Variants in FAM20C observed in about 807,000 individuals in gnomAD.
FAM20C encodes the protein extracellular serine/threonine protein kinase FAM20C.
FAM20C carries 40 observed loss-of-function variants against 51.5 expected under a neutral mutation model. That is an observed-to-expected ratio of 0.78 (90% confidence interval 0.60 to 1.01). The LOEUF is 1.01. FAM20C is among the 50% of genes least tolerant of loss of function. The probability of loss-of-function intolerance (pLI) is 0.00; values close to 1 mark genes in which losing one functional copy is unlikely to be tolerated. For missense variants in FAM20C, 861 were observed against 844.7 expected, an observed-to-expected ratio of 1.02 and a Z score of -0.24; for synonymous variants, 406 against 380.6, an observed-to-expected ratio of 1.07 and a Z score of -0.78.
rs1232400875 is a variant in FAM20C, at chr7:257,016, C to G, written c.1375C>G (p.Arg459Gly). The G allele has an allele frequency of 6.5e-7, 1 of 1,537,136 alleles. No homozygotes were observed. The highest frequency in any genetic ancestry group is 8.7e-7 in the Non-Finnish European group (1 of 1,146,894). ...GCCTCTCTCCGCAGGAAACATGGACCGTCACCACTACGAGACTTTTGAGAA... is the reference window on the plus strand; with the variant it reads ...GCCTCTCTCCGCAGGAAACATGGACGGTCACCACTACGAGACTTTTGAGAA... ...IFDFLMGNMDRHHYETFEKFG... is the reference protein window; with the variant it reads ...IFDFLMGNMDGHHYETFEKFG... The change falls in exon 8 of 10, where the codon CGT becomes GGT. Residue 459 changes from arginine to glycine, a missense_variant. Arg to Gly is a moderately radical substitution (Grantham distance 125). This residue lies in a region of FAM20C where 269 missense variants were observed against 283.8 expected (regional missense o/e 0.95). Coordinates refer to ENST00000313766, the MANE Select transcript of FAM20C (RefSeq NM_020223.4).
chr7:249,727 G>A (rs1426253629), intron 5 of FAM20C, among the ~76,000 whole-genome samples: 1 of 152,136 alleles, frequency 6.6e-6, no homozygotes, highest in Non-Finnish European at 1.5e-5. Context: ...GCAACAGAGT[G>A]AGACCCTGTC....
chr7:250,419 C>T (rs1406399454), intron 5 of FAM20C, among the ~76,000 whole-genome samples: 2 of 152,150 alleles, frequency 1.3e-5, no homozygotes, highest in African/African-American at 4.8e-5. Flanking sequence ...TGGCCCTACA[C>T]ACCAGGAATC....
rs865798747 is a variant in FAM20C at position 256,743 on chromosome 7, C to T, written c.1343C>T (p.Thr448Met). 33 of 1,536,026 alleles carry T rather than the reference C, an allele frequency of 2.1e-5. No homozygotes were observed. The highest frequency in any genetic ancestry group is 1.2e-4 in the South Asian group (10 of 84,066). The change falls in exon 7 of 10, where the codon ACG (threonine) becomes ATG (methionine). Residue 448 changes from threonine to methionine, a missense_variant. Thr to Met is a moderately conservative substitution (Grantham distance 81, BLOSUM62 -1). Around this residue, in one of 3 missense-constraint regions of FAM20C, gnomAD observed 269 missense variants for 283.8 expected, o/e 0.95. Coordinates refer to ENST00000313766, the MANE Select transcript of FAM20C (RefSeq NM_020223.4). ...SHRILDVMDM[T>M]IFDFLMGNMD... The stretch of plus-strand genomic sequence containing the variant: ...CGCATCCTGGACGTCATGGACATGA[C>T]GATCTTCGACTTCCTCATGGGTACG...
At chr7:215,275 TGGGGG>T (rs1156618102) in intron 3 of FAM20C, among the ~76,000 whole-genome samples, 3 of 37,566 alleles carry the variant, frequency 8.0e-5, no homozygotes, top group Non-Finnish European at 5.4e-5. Flanking sequence ...TGGAGCTGGG[TGGGGG>T]GAGCAGGGCC....
At chr7:254,603 T>C (rs1043128086) in intron 5 of FAM20C, among the ~76,000 whole-genome samples, 3 of 152,236 alleles carry the variant, frequency 2.0e-5, no homozygotes, top group Admixed American at 6.5e-5. Flanking sequence ...TTTATTAAGG[T>C]ATAATTCATG....
At chr7:242,281 T>TA (rs1470885984) in intron 3 of FAM20C, among the ~76,000 whole-genome samples, 1 of 152,214 alleles carries the variant, frequency 6.6e-6, no homozygotes, top group Non-Finnish European at 1.5e-5. Flanking sequence ...AGCAGCAAGA[T>TA]GAACACCCAG....
Position 228,458 on chromosome 7 carries a change from G to A in FAM20C, c.864-17957G>A, listed in dbSNP as rs978540689. On this transcript the variant is annotated intron_variant, in intron 3 of 9. Transcript: ENST00000313766. ...TGGCCACCCAGGGGGCTGGTGTCAC[G>A]GCTCAGTGTGGGGTCAACAAGCCAG... 12 of 456,148 alleles carry A rather than the reference G, an allele frequency of 2.6e-5. No homozygotes were observed. In the East Asian group the frequency reaches 2.8e-4, roughly 11 times the overall value. 28.3% of individuals were successfully genotyped at this position (456,148 alleles called of 1,614,324 possible).
chr7:232,347 C>A lies in FAM20C; in HGVS notation c.864-14068C>A, dbSNP rs1047857592. On this transcript the variant is annotated intron_variant, in intron 3 of 9. Coordinates refer to ENST00000313766, the MANE Select transcript of FAM20C (RefSeq NM_020223.4). ...GCGGCCCAGCCCCCCACCTCTCAGA[C>A]CCCGTCCAGGGACATCCCGTGGCTC... 2.6e-5 allele frequency among the ~76,000 whole-genome samples: 4 copies of A among 152,358 alleles called. No individual in the cohort carries two copies. The East Asian group carries it at 5.8e-4, about 22-fold the overall frequency.
intron 5 of FAM20C, among the ~76,000 whole-genome samples, chr7:251,758 C>A (rs1282330744): frequency 6.6e-6 from 1 of 152,170 alleles, no homozygotes; most frequent in Admixed American, 6.5e-5. Flanking sequence ...CAGCAGCTTC[C>A]CTGGCCACTC....
chr7:209,213 G>A (rs1371667661), intron 3 of FAM20C, among the ~76,000 whole-genome samples: 4 of 152,172 alleles, frequency 2.6e-5, no homozygotes, highest in African/African-American at 9.7e-5. Flanking sequence ...CCTACTGCTG[G>A]TTATTCTTAC....
intron 3 of FAM20C, among the ~76,000 whole-genome samples, chr7:227,143 T>C (rs1787478950): frequency 6.6e-6 from 1 of 152,094 alleles, no homozygotes; most frequent in South Asian, 2.1e-4. Context: ...TCCAAAAGCA[T>C]TCCCCAGAAC....
intron 8 of FAM20C, among the ~76,000 whole-genome samples, 181 bp from the exon 9 acceptor site, chr7:258,448 GTGGGATGGACCCACTGC>G: frequency 2.1e-5 from 2 of 93,814 alleles, no homozygotes; most frequent in African/African-American, 9.4e-5. Flanking sequence ...CTGGAGATGG[GTGGGATGGACCCACTGC>G]CTGGGGTGCT....
intron 3 of FAM20C, among the ~76,000 whole-genome samples, chr7:216,515 G>T (rs148463803): frequency 1.3e-5 from 2 of 151,888 alleles, no homozygotes; most frequent in Non-Finnish European, 2.9e-5. Flanking sequence ...CTGAGGAAAG[G>T]CCAGCTGGGA....
intron 6 of FAM20C, 130 bp from the exon 7 acceptor site, chr7:256,524 C>A: frequency 1.4e-6 from 1 of 733,418 alleles, no homozygotes; most frequent in Non-Finnish European, 2.3e-6. Flanking sequence ...GCCTCAGCGC[C>A]GCAGCCCGGG....
At chr7:202,300 T>TG (rs1237578208) in intron 2 of FAM20C, among the ~76,000 whole-genome samples, 1 of 142,562 alleles carries the variant, frequency 7.0e-6, no homozygotes, top group Non-Finnish European at 1.5e-5. Context: ...TACTGGGGAA[T>TG]GGGGGGGCCC....
chr7:226,614 G>A (rs79178337), intron 3 of FAM20C, among the ~76,000 whole-genome samples: 4,615 of 152,244 alleles, frequency 0.03, 170 homozygotes, highest in East Asian at 0.08. Context: ...CTGTGGGGAC[G>A]GGCACAGGCG....
Position 193,387 on chromosome 7 carries a change from T to A in FAM20C, c.188T>A (p.Val63Asp). The change falls in exon 1 of 10, where the codon GTT becomes GAT. Residue 63 changes from valine (V) to aspartate (D), a missense_variant. Physicochemically the swap from Val to Asp is radical, Grantham distance 152. Coordinates refer to ENST00000313766, the MANE Select transcript of FAM20C (RefSeq NM_020223.4). ...AEVAAPGWAQVRGRPGEPPAA... is the reference protein window; with the variant it reads ...AEVAAPGWAQDRGRPGEPPAA... ...GTGGCCGCGCCCGGCTGGGCCCAGG[T>A]TCGGGGCCGCCCCGGGGAGCCCCCG... is the stretch of plus-strand genomic sequence containing the variant. 7.3e-7 allele frequency: 1 copy of A among 1,370,038 alleles called. No individual in the cohort carries two copies. The allele number at this position is 1,370,038 out of a possible 1,614,324, so 84.9% of individuals were successfully genotyped here.
chr7:231,337 G>C (rs1447568572), intron 3 of FAM20C, among the ~76,000 whole-genome samples: 1 of 152,036 alleles, frequency 6.6e-6, no homozygotes, highest in Non-Finnish European at 1.5e-5. Context: ...TGAATGACAC[G>C]CATCAGTGGG....
chr7:198,591 T>G (rs1298349883), intron 2 of FAM20C, among the ~76,000 whole-genome samples: 1 of 152,204 alleles, frequency 6.6e-6, no homozygotes, highest in Non-Finnish European at 1.5e-5. Context: ...CCTAGACCCG[T>G]GTGGGCATGC....
Sources: allele counts gnomAD v4.1 joint callset (sites outside exome capture counted in the v4.1 genomes callset), GRCh38; gene constraint gnomAD v4.1.1; regional missense constraint gnomAD v4.1.1; transcripts MANE v1.5; gene names NCBI Gene and HGNC (gene_info 2026-07-23, HGNC 2026-07-21).